The following CCNJL variants were observed in gnomAD, a reference collection of about 807,000 sequenced individuals.
The protein encoded by CCNJL is cyclin-J-like protein.
Under a neutral mutation model 33.4 loss-of-function variants are expected in CCNJL, and 33 were observed. The observed-to-expected ratio is 0.99, with a 90% CI of 0.75 to 1.32. The LOEUF (loss-of-function observed/expected upper bound fraction) is 1.32, where lower values mean the gene tolerates loss of function less well. Ranked by LOEUF, CCNJL falls within the 40% of genes most tolerant of loss-of-function variation. CCNJL has a pLI of 0.00. For synonymous variants in CCNJL, 227 were observed against 220.9 expected (o/e 1.03, Z -0.24); for missense variants, 512 against 499.7 (o/e 1.02, Z -0.23).
chr5:160,276,691 T>C (rs927161751), intron 3 of CCNJL, among the ~76,000 whole-genome samples: 4 of 152,168 alleles, frequency 2.6e-5, no homozygotes, highest in Non-Finnish European at 5.9e-5. Flanking sequence ...GTTCTGGAAG[T>C]AGAGAGAGCG....
chr5:160,330,062 G>A (rs1763586782), intron 1 of CCNJL, among the ~76,000 whole-genome samples: 1 of 152,044 alleles, frequency 6.6e-6, no homozygotes, highest in Admixed American at 6.6e-5. Flanking sequence ...TACTATAGAA[G>A]CTCAGGTCTC....
chr5:160,312,660 G>C (rs1357977020), upstream of CCNJL: 1 of 151,786 alleles, frequency 6.6e-6, no homozygotes, highest in Non-Finnish European at 1.5e-5. Context: ...GCGGGGGGCT[G>C]GGAATTGGAG....
At chr5:160,328,084 G>A (rs1463631172) in intron 1 of CCNJL, among the ~76,000 whole-genome samples, 1 of 152,192 alleles carries the variant, frequency 6.6e-6, no homozygotes, top group Non-Finnish European at 1.5e-5. Context: ...GCTCACGCAG[G>A]AGTGCGCGTG....
chr5:160,255,765 C>A (rs1580941239), intron 4 of CCNJL, 57 bp from the exon 5 acceptor site: 1 of 1,505,030 alleles, frequency 6.6e-7, no homozygotes, highest in Non-Finnish European at 9.2e-7. Flanking sequence ...GAATCCCAGG[C>A]CCACCCTGAG....
intron 1 of CCNJL, among the ~76,000 whole-genome samples, chr5:160,327,231 G>C (rs1425118626): frequency 6.6e-6 from 1 of 152,156 alleles, no homozygotes; most frequent in Admixed American, 6.5e-5. Flanking sequence ...ATATAATGAG[G>C]ATAACAGCAG....
chr5:160,283,127 C>T (rs1762295582), intron 2 of CCNJL, among the ~76,000 whole-genome samples: 1 of 150,368 alleles, frequency 6.7e-6, no homozygotes, highest in African/African-American at 2.4e-5. Context: ...AACTCAAACA[C>T]TTATCAACTG....
At chr5:160,337,003 CTTT>C (rs35461944) in intron 1 of CCNJL, among the ~76,000 whole-genome samples, 7 of 95,064 alleles carry the variant, frequency 7.4e-5, no homozygotes, top group African/African-American at 1.6e-4. Flanking sequence ...CTTTTTCTTT[CTTT>C]TTTTTTTTTT....
chr5:160,295,003 C>T (rs1454603406), intron 2 of CCNJL: 1 of 152,266 alleles, frequency 6.6e-6, no homozygotes, highest in African/African-American at 2.4e-5. Flanking sequence ...GGTGACTGCA[C>T]CACTACCCCC....
In CCNJL at chr5:160,255,502, A is replaced by G. The variant is rs530461116; in HGVS notation, c.743+47T>C. 303 of 1,591,560 alleles carry G rather than the reference A, an allele frequency of 1.9e-4. 10 individuals carry two copies. The South Asian group carries it at 3.3e-3, about 17-fold the overall frequency. Reference sequence around the variant, plus strand: ...GGCCTGAGGCAGGCCTCAAGGCAAGAGGAACCTCACTATTTCAGAAACACA... The same window carrying G: ...GGCCTGAGGCAGGCCTCAAGGCAAGGGGAACCTCACTATTTCAGAAACACA... On this transcript the variant is annotated intron_variant, in intron 5 of 5. Transcript: ENST00000257536.
chr5:160,284,402 A>G (rs972675619), intron 2 of CCNJL, among the ~76,000 whole-genome samples: 3 of 151,794 alleles, frequency 2.0e-5, no homozygotes, highest in African/African-American at 2.4e-5. Flanking sequence ...GTGAATTGTT[A>G]TATCTCAATA....
chr5:160,258,720 C>T (rs1561771830), intron 4 of CCNJL: 6 of 699,978 alleles, frequency 8.6e-6, no homozygotes, highest in Non-Finnish European at 1.6e-5. Flanking sequence ...AAAAAAAAGA[C>T]AGAGTCTCGC....
chr5:160,320,493 A>G (rs1222637286), intron 1 of CCNJL, among the ~76,000 whole-genome samples: 1 of 152,228 alleles, frequency 6.6e-6, no homozygotes, highest in Non-Finnish European at 1.5e-5. Context: ...GAGGGAGAGA[A>G]GTATTCCTCT....
At chr5:160,290,127 G>A (rs929881014) in intron 2 of CCNJL, among the ~76,000 whole-genome samples, 27 of 152,122 alleles carry the variant, frequency 1.8e-4, no homozygotes, top group African/African-American at 6.5e-4. Flanking sequence ...TTCTATTAGG[G>A]GAGGAAGTGA....
At chr5:160,333,142 AG>A (rs1763631288) in intron 1 of CCNJL, among the ~76,000 whole-genome samples, 2 of 144,360 alleles carry the variant, frequency 1.4e-5, no homozygotes, top group Non-Finnish European at 3.0e-5. Context: ...TTTTTTTTTG[AG>A]ATGGAGTCTC....
chr5:160,288,144 C>T (rs10079432), intron 2 of CCNJL, among the ~76,000 whole-genome samples: 342 of 152,132 alleles, frequency 2.2e-3, no homozygotes, highest in African/African-American at 7.6e-3. Flanking sequence ...ATAATAGCTA[C>T]GGGCTAGAAA....
Position 160,249,411 on chromosome 5 carries a change from T to C in CCNJL, c.*3967A>G, listed in dbSNP as rs539720362. The C allele has an allele frequency of 6.6e-6, 1 of 152,318 alleles. No homozygotes were observed. Among genetic ancestry groups the C allele is most frequent in the East Asian group, 1.9e-4 (1 of 5,182 alleles). 9.4% of individuals were successfully genotyped at this position (152,318 alleles called of 1,614,324 possible). A position where few individuals can be genotyped will look rare whatever the true frequency, so the allele number is the denominator to read the frequency against. The stretch of plus-strand genomic sequence containing the variant: ...CATATTTACTGGCAAATACAGGTAA[T>C]TTCTGTGTACTTTGAGATAATTCTG... On this transcript the variant is annotated 3_prime_UTR_variant, in exon 6 of 6. Coordinates refer to ENST00000257536, the MANE Select transcript of CCNJL (RefSeq NM_001308173.3).
At chr5:160,261,650 G>A (rs2113252073) in intron 3 of CCNJL, among the ~76,000 whole-genome samples, 1 of 150,892 alleles carries the variant, frequency 6.6e-6, no homozygotes, top group South Asian at 2.1e-4. Flanking sequence ...CCCTCTTCAA[G>A]CACAGGATCC....
intron 1 of CCNJL, among the ~76,000 whole-genome samples, chr5:160,323,329 T>C (rs775675493): frequency 6.6e-6 from 1 of 152,112 alleles, no homozygotes; most frequent in African/African-American, 2.4e-5. Flanking sequence ...TCCTGGCCTC[T>C]AGCAAAGCTC....
chr5:160,254,362 A>G (rs1394681962), intron 5 of CCNJL: 1 of 660,158 alleles, frequency 1.5e-6, no homozygotes, highest in Non-Finnish European at 2.7e-6. Context: ...TGCCATCTCA[A>G]AAAAAGCTTC....
Sources: allele counts gnomAD v4.1 joint callset (sites outside exome capture counted in the v4.1 genomes callset), GRCh38; gene constraint gnomAD v4.1.1; transcripts MANE v1.5; gene names NCBI Gene and HGNC (gene_info 2026-07-23, HGNC 2026-07-21).